PSMG2: variants seen among roughly 807,000 people sequenced by gnomAD.
PSMG2 encodes the protein proteasome assembly chaperone 2, also known as CD40 ligand-activated specific transcript 3.
Under a neutral mutation model 31.5 loss-of-function variants are expected in PSMG2, and 21 were observed. That is an observed-to-expected ratio of 0.67 (90% confidence interval 0.47 to 0.96). The LOEUF (loss-of-function observed/expected upper bound fraction) is 0.96. Ranked by LOEUF, PSMG2 falls within the 40% of genes least tolerant of loss-of-function variation. PSMG2 has a pLI of 0.00. For missense variants in PSMG2, 318 were observed against 321.2 expected, an observed-to-expected ratio of 0.99 and a Z score of 0.08; for synonymous variants, 120 against 110.4, an observed-to-expected ratio of 1.09 and a Z score of -0.54.
intron 2 of PSMG2, among the ~76,000 whole-genome samples, chr18:12,707,614 C>T (rs1258168540): frequency 6.6e-6 from 1 of 152,190 alleles, no homozygotes; most frequent in Non-Finnish European, 1.5e-5. Flanking sequence ...TCAGGGAACA[C>T]TGGTTATAAT....
intron 3 of PSMG2, among the ~76,000 whole-genome samples, chr18:12,718,200 G>A (rs536027324): frequency 6.6e-6 from 1 of 151,542 alleles, no homozygotes; most frequent in South Asian, 2.1e-4. Flanking sequence ...GTAGAGATGG[G>A]GTTTTACCAT....
rs1414714103 is a variant in PSMG2 at position 12,678,387 on chromosome 18, G to C, written c.-37+19614G>C. On this transcript the variant is annotated intron_variant, in intron 1 of 6. Coordinates refer to the PSMG2 transcript ENST00000585331. ...CCAATTGTTCGATATGGGTACAGTGGTTTGGGCTGTTCAGCAACTGGAGGT... is the reference window on the plus strand; with the variant it reads ...CCAATTGTTCGATATGGGTACAGTGCTTTGGGCTGTTCAGCAACTGGAGGT... 3 of 1,614,126 alleles carry C rather than the reference G, an allele frequency of 1.9e-6. No homozygotes were observed. The South Asian group carries it at 3.3e-5, about 18-fold the overall frequency.
Position 12,724,736 on chromosome 18 carries a change from C to T in PSMG2, c.702+117C>T, listed in dbSNP as rs529141939. 28 of 1,087,306 alleles carry T rather than the reference C, an allele frequency of 2.6e-5. No individual in the cohort carries two copies. In the African/African-American group the frequency reaches 3.9e-4, roughly 15 times the overall value. The allele number at this position is 1,087,306 out of a possible 1,614,324, so 67.4% of individuals were successfully genotyped here. A position where few individuals can be genotyped will look rare whatever the true frequency, so the allele number is the denominator to read the frequency against. ...ACGTTTGTATTAAATATAGACATAT[C>T]TTTACATAAAATTTAGTTTAAGCTG... On this transcript the variant is annotated intron_variant, in intron 6 of 6. Transcript: ENST00000317615.
chr18:12,675,939 G>A (rs1433486626), intron 1 of PSMG2, among the ~76,000 whole-genome samples: 1 of 152,020 alleles, frequency 6.6e-6, no homozygotes, highest in Non-Finnish European at 1.5e-5. Context: ...AAAGTGCTGG[G>A]ATTACAGGCA....
At chr18:12,702,452 C>CG (rs762171483), upstream of PSMG2, 12 of 1,535,540 alleles carry the variant, frequency 7.8e-6, no homozygotes, top group South Asian at 1.2e-4. Flanking sequence ...TATGGGTCGG[C>CG]CCGGCGGTCT....
chr18:12,696,708 T>G (rs1222558661), intron 1 of PSMG2, among the ~76,000 whole-genome samples: 1 of 152,074 alleles, frequency 6.6e-6, no homozygotes, highest in Non-Finnish European at 1.5e-5. Flanking sequence ...CTATGATAAA[T>G]AAGATAGGCA....
intron 6 of PSMG2, 125 bp downstream of exon 6, chr18:12,724,744 A>G: frequency 9.3e-7 from 1 of 1,070,884 alleles, no homozygotes; most frequent in Non-Finnish European, 1.2e-6. Context: ...ATCTTTACAT[A>G]AAATTTAGTT....
At chr18:12,673,259 A>C in intron 1 of PSMG2, 5 of 1,465,452 alleles carry the variant, frequency 3.4e-6, no homozygotes, top group Non-Finnish European at 4.5e-6. Flanking sequence ...TATGCCATTC[A>C]AGCCAGATTG....
chr18:12,703,221 A>G, intron 1 of PSMG2, 57 bp downstream of exon 1: 9 of 1,535,182 alleles, frequency 5.9e-6, no homozygotes, highest in Non-Finnish European at 7.9e-6. Context: ...CGGTGTCGCC[A>G]CCCCGACGCG....
At chr18:12,665,000 TTTA>T (rs1336716139) in intron 1 of PSMG2, 1 of 152,150 alleles carries the variant, frequency 6.6e-6, no homozygotes, top group Non-Finnish European at 1.5e-5. Flanking sequence ...TATCCTAATC[TTTA>T]TTGAGAAAAG....
At chr18:12,664,869 T>C (rs1258866523) in intron 1 of PSMG2, among the ~76,000 whole-genome samples, 1 of 148,468 alleles carries the variant, frequency 6.7e-6, no homozygotes, top group African/African-American at 2.5e-5. Flanking sequence ...CAGCTAACTT[T>C]TGTATTTTTA....
At chr18:12,716,948 C>CTTTTTTTTTTTTTT (rs56726339) in intron 3 of PSMG2, among the ~76,000 whole-genome samples, 2 of 116,782 alleles carry the variant, frequency 1.7e-5, no homozygotes, top group Non-Finnish European at 3.5e-5. Context: ...TTTTCTTTTA[C>CTTTTTTTTTTTTTT]TTTTTTTTTT....
intron 1 of PSMG2, chr18:12,670,549 T>C (rs1323811102): frequency 1.3e-5 from 2 of 152,230 alleles, no homozygotes; most frequent in Admixed American, 1.3e-4. Flanking sequence ...GATCTTAATA[T>C]AGTCTGTCTC....
chr18:12,705,576 A>AGTGTGTGTGTGTGT (rs548642491), intron 1 of PSMG2, among the ~76,000 whole-genome samples: 25 of 129,772 alleles, frequency 1.9e-4, no homozygotes, highest in African/African-American at 5.1e-4. Context: ...AGAGAGAGAG[A>AGTGTGTGTGTGTGT]GTGTGTGTGT....
intron 1 of PSMG2, among the ~76,000 whole-genome samples, chr18:12,692,671 T>C (rs956825865): frequency 6.6e-6 from 1 of 152,210 alleles, no homozygotes; most frequent in Non-Finnish European, 1.5e-5. Flanking sequence ...GATTATTTTG[T>C]TTGCTGACTT....
At chr18:12,671,682 T>G (rs958026687) in intron 1 of PSMG2, among the ~76,000 whole-genome samples, 39 of 140,736 alleles carry the variant, frequency 2.8e-4, no homozygotes, top group African/African-American at 1.0e-3. Flanking sequence ...AGAGTCTTGC[T>G]CTGTCACCCA....
chr18:12,689,443 C>T (rs768412600), intron 1 of PSMG2, among the ~76,000 whole-genome samples: 19 of 152,188 alleles, frequency 1.2e-4, no homozygotes, highest in Non-Finnish European at 2.5e-4. Context: ...AAAGACTGTT[C>T]ACTTCTCTAA....
chr18:12,668,724 C>A (rs1198251955), intron 1 of PSMG2, among the ~76,000 whole-genome samples: 6 of 139,218 alleles, frequency 4.3e-5, no homozygotes, highest in South Asian at 2.4e-4. Flanking sequence ...TAGCAAGATA[C>A]ACTTTATTCC....
chr18:12,690,592 A>C (rs991553588), intron 1 of PSMG2, among the ~76,000 whole-genome samples: 4 of 151,910 alleles, frequency 2.6e-5, no homozygotes, highest in African/African-American at 9.7e-5. Context: ...AGTAGCTGCG[A>C]CTATAGGAGC....
Sources: gnomAD v4.1 joint callset for allele counts (sites outside exome capture counted in the v4.1 genomes callset) on GRCh38, gnomAD v4.1.1 for gene constraint, MANE v1.5 for transcripts, NCBI Gene and HGNC (gene_info 2026-07-23, HGNC 2026-07-21) for gene names.